NRP2: variants seen among roughly 807,000 people sequenced by gnomAD.
NRP2 encodes neuropilin 2, also known as neuropilin-2.
In NRP2, 52 loss-of-function variants were observed where a neutral mutation model predicts 110.4. The observed-to-expected ratio is 0.47, with a 90% CI of 0.38 to 0.59. The LOEUF is 0.59. NRP2 is among the 20% of genes least tolerant of loss of function. The pLI, the probability that NRP2 is intolerant of heterozygous loss-of-function variation, is 0.00. For synonymous variants in NRP2, 508 were observed against 468.9 expected, an observed-to-expected ratio of 1.08 and a Z score of -1.08; for missense variants, 1,049 against 1,203.0, an observed-to-expected ratio of 0.87 and a Z score of 1.89.
chr2:205,767,305 T>C (rs2057941028), intron 15 of NRP2: 1 of 449,010 alleles, frequency 2.2e-6, no homozygotes, highest in South Asian at 1.6e-5. Flanking sequence ...AGTCAGTACC[T>C]GCAGTCACCA....
intron 1 of NRP2, among the ~76,000 whole-genome samples, chr2:205,690,559 G>C (rs979466216): frequency 6.8e-6 from 1 of 147,492 alleles, no homozygotes; most frequent in Non-Finnish European, 1.5e-5. Flanking sequence ...AACATAGCAA[G>C]ACCCCATCCC....
chr2:205,743,285 C>T lies in NRP2; in HGVS notation c.1374C>T (p.Tyr458=). 1 of 1,614,180 alleles carries T rather than the reference C, an allele frequency of 6.2e-7. No homozygotes were observed. The highest frequency in any genetic ancestry group is 8.5e-7 in the Non-Finnish European group (1 of 1,180,026). ...SQISASSTQE[Y]LWSPSAARLV... is the part of the protein sequence containing the mutation. ...TCTCCGCCTCTTCCACCCAGGAATACCTCTGGAGCCCCAGTGCAGCCCGCC... is the reference window on the plus strand; with the variant it reads ...TCTCCGCCTCTTCCACCCAGGAATATCTCTGGAGCCCCAGTGCAGCCCGCC... The change falls in exon 9 of 17, where the codon TAC becomes TAT. Residue 458 remains tyrosine (Y), a synonymous_variant. Transcript: ENST00000357785.
intron 7 of NRP2, among the ~76,000 whole-genome samples, chr2:205,737,034 A>T (rs560865190): frequency 2.2e-3 from 332 of 152,386 alleles, no homozygotes; most frequent in African/African-American, 7.2e-3. Context: ...ATATTTCATT[A>T]AAAATGGATT....
chr2:205,784,601 G>A (rs1251432506), intron 15 of NRP2, among the ~76,000 whole-genome samples: 1 of 152,112 alleles, frequency 6.6e-6, no homozygotes, highest in Non-Finnish European at 1.5e-5. Context: ...GGGGTCCTGG[G>A]CCCACAAACC....
At chr2:205,696,758 G>GGACAGTGGGCA (rs1198817902) in intron 1 of NRP2, among the ~76,000 whole-genome samples, 1 of 152,168 alleles carries the variant, frequency 6.6e-6, no homozygotes, top group Non-Finnish European at 1.5e-5. Context: ...CAGGCAGGAG[G>GGACAGTGGGCA]GACAGTGGGC....
intron 7 of NRP2, among the ~76,000 whole-genome samples, chr2:205,739,063 C>T (rs925211711): frequency 6.6e-6 from 1 of 152,176 alleles, no homozygotes; most frequent in African/African-American, 2.4e-5. Flanking sequence ...CTGTAGACTT[C>T]TGTGCTGCTC....
At chr2:205,745,387 G>A (rs1470796906) in intron 9 of NRP2, among the ~76,000 whole-genome samples, 6 of 152,122 alleles carry the variant, frequency 3.9e-5, no homozygotes, top group Admixed American at 2.0e-4. Context: ...GTCAAAGATC[G>A]CCCAAACTGC....
chr2:205,683,321 T>A lies in NRP2; in HGVS notation c.31T>A (p.Leu11Ile). The A allele has an allele frequency of 6.2e-7, 1 of 1,614,046 alleles. No homozygotes were observed. Residue 11 changes from leucine to isoleucine, a missense_variant, in exon 1 of 17, where the codon TTA becomes ATA. Physicochemically the swap from Leu to Ile is conservative, Grantham distance 5 (BLOSUM62 2). Transcript: ENST00000357785. MDMFPLTWVF[L>I]ALYFSRHQVR... ...TATGTTTCCTCTCACCTGGGTTTTCTTAGCCCTCTACTTTTCAAGACACCA... is the reference window on the plus strand; with the variant it reads ...TATGTTTCCTCTCACCTGGGTTTTCATAGCCCTCTACTTTTCAAGACACCA...
chr2:205,697,846 T>C (rs2056468408), intron 2 of NRP2, 125 bp downstream of exon 2: 1 of 980,310 alleles, frequency 1.0e-6, no homozygotes, highest in Non-Finnish European at 1.6e-6. Context: ...TGGTGGATCC[T>C]GGCCCCAGAG....
At chr2:205,755,651 A>T (rs62172968) in intron 12 of NRP2, among the ~76,000 whole-genome samples, 96 of 147,644 alleles carry the variant, frequency 6.5e-4, no homozygotes, top group Non-Finnish European at 1.3e-3. Context: ...GGGATTGGGG[A>T]GAAGGGAAGC....
At chr2:205,791,071 G>A (rs1038208579) in intron 15 of NRP2, among the ~76,000 whole-genome samples, 55 of 152,340 alleles carry the variant, frequency 3.6e-4, no homozygotes, top group African/African-American at 1.2e-3. Flanking sequence ...AATTTCAAAT[G>A]TGACAGTGAT....
intron 14 of NRP2, among the ~76,000 whole-genome samples, chr2:205,766,163 C>T (rs3771004): frequency 0.26 from 39,719 of 152,058 alleles, 5,313 homozygotes; most frequent in East Asian, 0.33. Flanking sequence ...ATATCATAAC[C>T]ATCATCTTGG....
intron 3 of NRP2, among the ~76,000 whole-genome samples, chr2:205,720,736 G>C (rs1236104284): frequency 1.3e-5 from 2 of 152,150 alleles, no homozygotes; most frequent in South Asian, 2.1e-4. Flanking sequence ...GCCTCATCCC[G>C]GGCCATTGAG....
intron 16 of NRP2, among the ~76,000 whole-genome samples, chr2:205,792,655 G>A (rs1297927846): frequency 6.6e-6 from 1 of 152,206 alleles, no homozygotes; most frequent in Non-Finnish European, 1.5e-5. Flanking sequence ...TGAGCATAAT[G>A]TGAATATTCT....
At position 205,766,809 on chromosome 2, in the gene NRP2, A is replaced by G. The variant is rs1161618753; in HGVS notation, c.2425+6A>G. On this transcript the variant is annotated splice_donor_region_variant and intron_variant, in intron 15 of 16. Coordinates refer to ENST00000357785, the MANE Select transcript of NRP2 (RefSeq NM_003872.3). The stretch of plus-strand genomic sequence containing the variant: ...ACCCATCTCGGCTTTTGCAGGTGAG[A>G]ATTTTAAAGGTAAAAAAAAATTTTT... 3 of 1,612,034 alleles carry G rather than the reference A, an allele frequency of 1.9e-6. No individual in the cohort carries two copies. The African/African-American group carries it at 4.0e-5, about 22-fold the overall frequency.
At chr2:205,710,918 C>T (rs2056785386) in intron 2 of NRP2, among the ~76,000 whole-genome samples, 2 of 152,194 alleles carry the variant, frequency 1.3e-5, no homozygotes, top group East Asian at 1.9e-4. Flanking sequence ...ATCACTTTGA[C>T]AGCATTTTAA....
At chr2:205,774,412 G>T (rs1398272111) in intron 15 of NRP2, among the ~76,000 whole-genome samples, 1 of 152,180 alleles carries the variant, frequency 6.6e-6, no homozygotes, top group Non-Finnish European at 1.5e-5. Flanking sequence ...AGAGGAAGAT[G>T]TATAAAGGGA....
chr2:205,686,317 G>A lies in NRP2; in HGVS notation c.73+2954G>A, dbSNP rs1649837849. Among the ~76,000 whole-genome samples, 1 of 152,044 alleles carries A rather than the reference G, an allele frequency of 6.6e-6. No individual in the cohort carries two copies. Among genetic ancestry groups the A allele is most frequent in the Admixed American group, 6.5e-5 (1 of 15,278 alleles). Reference sequence around the variant, plus strand: ...CGGAAAGTTAGGTCTCGGCTGCAGCGCTGGTCTCTGGAGAAGCCTCTGCCT... The same window carrying A: ...CGGAAAGTTAGGTCTCGGCTGCAGCACTGGTCTCTGGAGAAGCCTCTGCCT... On this transcript the variant is annotated intron_variant, in intron 1 of 16. Coordinates refer to ENST00000357785, the MANE Select transcript of NRP2 (RefSeq NM_003872.3). The surrounding 1 kb of genome is among the most constrained non-coding windows in gnomAD (Gnocchi z 4.7).
At chr2:205,724,596 G>C (rs987345051) in intron 5 of NRP2, among the ~76,000 whole-genome samples, 3 of 150,436 alleles carry the variant, frequency 2.0e-5, no homozygotes, top group South Asian at 4.2e-4. Flanking sequence ...CAAATCAGCT[G>C]CTCTTGGACA....
Sources: gnomAD v4.1 joint callset for allele counts (sites outside exome capture counted in the v4.1 genomes callset) on GRCh38, gnomAD v4.1.1 for gene constraint, Gnocchi (gnomAD v3.1) non-coding constraint, MANE v1.5 for transcripts, NCBI Gene and HGNC (gene_info 2026-07-23, HGNC 2026-07-21) for gene names.